Variants in GAS7 observed in about 807,000 individuals in gnomAD.
The protein encoded by GAS7 is growth arrest-specific protein 7.
Under a neutral mutation model 71.1 loss-of-function variants are expected in GAS7, and 28 were observed. The ratio of observed to expected loss-of-function variants is 0.39; its 90% CI spans 0.29 to 0.54. GAS7 has a LOEUF of 0.54. Ranked by LOEUF, GAS7 falls within the 20% of genes least tolerant of loss-of-function variation. The pLI is 0.62. For missense variants in GAS7, 436 were observed against 627.8 expected, an observed-to-expected ratio of 0.69 and a Z score of 3.27; for synonymous variants, 258 against 245.8, an observed-to-expected ratio of 1.05 and a Z score of -0.46.
chr17:10,039,117 T>C (rs972950490), intron 1 of GAS7, among the ~76,000 whole-genome samples: 4 of 151,798 alleles, frequency 2.6e-5, no homozygotes, highest in Non-Finnish European at 5.9e-5. Flanking sequence ...TGGAGATTAA[T>C]GGTGGTGATG....
chr17:9,919,883 G>A lies in GAS7; in HGVS notation c.1139-178C>T, dbSNP rs1301504897. ...AAAGCAGAGCCAGGGAAGGAAGGGGGCAACCCAGCCCCATGAGAACCCAGC... is the reference window on the plus strand; with the variant it reads ...AAAGCAGAGCCAGGGAAGGAAGGGGACAACCCAGCCCCATGAGAACCCAGC... On this transcript the variant is annotated intron_variant, in intron 11 of 13. Transcript: ENST00000432992. This position sits in a 1 kb window ranked among gnomAD's most constrained non-coding sequence, Gnocchi z 5.0. Among the ~76,000 whole-genome samples, 6 of 152,238 alleles carry A rather than the reference G, an allele frequency of 3.9e-5. No individual in the cohort carries two copies. The East Asian group carries it at 1.2e-3, about 29-fold the overall frequency.
At position 10,184,923 on chromosome 17, in the gene GAS7, C is replaced by G. The variant is rs567012478; in HGVS notation, c.183+13285G>C. On this transcript the variant is annotated intron_variant, in intron 1 of 13. Coordinates refer to ENST00000432992, the MANE Select transcript of GAS7 (RefSeq NM_201433.2). ...GGCTGGAGACCAAGCTCTATAAAAA[C>G]TCTTTTTTTTTTTTTTTTTGAGACG... 2.8e-5 allele frequency among the ~76,000 whole-genome samples: 3 copies of G among 107,752 alleles called. No homozygotes were observed. In the Admixed American group the frequency reaches 3.5e-4, roughly 12 times the overall value. The allele number at this position is 107,752 out of a possible 152,430, so 70.7% of individuals were successfully genotyped here.
chr17:10,094,273 T>G (rs187036940), intron 1 of GAS7, among the ~76,000 whole-genome samples: 88 of 152,182 alleles, frequency 5.8e-4, no homozygotes, highest in African/African-American at 2.0e-3. Flanking sequence ...ACACCTGGTA[T>G]CTCCCTGAAT....
chr17:10,050,410 T>C (rs1183264671), intron 1 of GAS7, among the ~76,000 whole-genome samples: 4 of 152,134 alleles, frequency 2.6e-5, no homozygotes, highest in Non-Finnish European at 5.9e-5. Flanking sequence ...ATTTTACAGA[T>C]GGACAAACTG....
At chr17:10,126,512 C>G (rs886478102) in intron 1 of GAS7, among the ~76,000 whole-genome samples, 7 of 137,808 alleles carry the variant, frequency 5.1e-5, no homozygotes, top group Non-Finnish European at 3.1e-5. Context: ...AAACACGTAT[C>G]ACACACGCAC....
intron 1 of GAS7, among the ~76,000 whole-genome samples, chr17:10,124,133 G>A (rs1475593240): frequency 2.0e-5 from 3 of 152,214 alleles, no homozygotes; most frequent in African/African-American, 4.8e-5. Context: ...GGGAAACAGA[G>A]CCGCCACTGT....
At chr17:10,047,144 G>A (rs2072987964) in intron 1 of GAS7, among the ~76,000 whole-genome samples, 1 of 152,192 alleles carries the variant, frequency 6.6e-6, no homozygotes, top group African/African-American at 2.4e-5. Flanking sequence ...AGAGCAGGAA[G>A]TGCAGGGTAG....
chr17:10,088,840 C>A (rs2073550313), intron 1 of GAS7, among the ~76,000 whole-genome samples: 1 of 151,998 alleles, frequency 6.6e-6, no homozygotes, highest in African/African-American at 2.4e-5. Flanking sequence ...ACCATAGCTT[C>A]TCTGAGACAA....
intron 1 of GAS7, among the ~76,000 whole-genome samples, chr17:10,154,234 C>T (rs1336544943): frequency 2.0e-5 from 3 of 151,996 alleles, no homozygotes; most frequent in Non-Finnish European, 4.4e-5. Context: ...TCTGATGGCT[C>T]ATGCCTGTAA....
chr17:10,097,395 G>A (rs899277002), intron 1 of GAS7, among the ~76,000 whole-genome samples: 8 of 152,210 alleles, frequency 5.3e-5, no homozygotes, highest in Non-Finnish European at 8.8e-5. Flanking sequence ...CAGTCTCTCG[G>A]GGCTCTGCCA....
intron 1 of GAS7, among the ~76,000 whole-genome samples, chr17:10,158,336 T>TA (rs58514810): frequency 0.28 from 22,921 of 82,760 alleles, 2,573 homozygotes; most frequent in Middle Eastern, 0.32. Flanking sequence ...CTTTTTTTGG[T>TA]AAAAAAAAAA....
At chr17:10,109,983 G>C (rs2073795076) in intron 1 of GAS7, among the ~76,000 whole-genome samples, 1 of 151,748 alleles carries the variant, frequency 6.6e-6, no homozygotes, top group Admixed American at 6.6e-5. Flanking sequence ...GAACCCGGGA[G>C]GTGGAGGTTG....
chr17:10,022,911 G>A (rs1255585933), intron 1 of GAS7, among the ~76,000 whole-genome samples: 1 of 152,224 alleles, frequency 6.6e-6, no homozygotes, highest in Non-Finnish European at 1.5e-5. Flanking sequence ...TCTGGTGAGA[G>A]GGCTGGGCAG....
At chr17:10,168,315 G>A (rs544356438) in intron 1 of GAS7, among the ~76,000 whole-genome samples, 1 of 152,084 alleles carries the variant, frequency 6.6e-6, no homozygotes, top group Non-Finnish European at 1.5e-5. Context: ...TAATAGCTTG[G>A]TTTTCTTTAT....
At chr17:9,920,318 A>C (rs1165361692) in intron 11 of GAS7, among the ~76,000 whole-genome samples, 1 of 152,132 alleles carries the variant, frequency 6.6e-6, no homozygotes, top group East Asian at 1.9e-4. Context: ...CTACCTTGGG[A>C]AACAGAGAAA....
At chr17:9,997,294 T>G (rs2071088336) in intron 2 of GAS7, among the ~76,000 whole-genome samples, 1 of 151,708 alleles carries the variant, frequency 6.6e-6, no homozygotes, top group African/African-American at 2.4e-5. Flanking sequence ...TAGAAGAAAA[T>G]ATTACCATCT....
At chr17:10,031,749 T>C (rs77575997) in intron 1 of GAS7, among the ~76,000 whole-genome samples, 18,234 of 152,264 alleles carry the variant, frequency 0.12, 1,313 homozygotes, top group Non-Finnish European at 0.16. Flanking sequence ...TGTGAGCATG[T>C]TTCTTGCATC....
Position 9,926,986 on chromosome 17 carries a change from A to G in GAS7, c.886-217T>C. On this transcript the variant is annotated intron_variant, in intron 9 of 13. Transcript: ENST00000432992. This position sits in a 1 kb window ranked among gnomAD's most constrained non-coding sequence, Gnocchi z 5.0. ...ACCTTAGCTCAGGAGGCCCCCACAC[A>G]CGTCTACAGGATAAGTGGTTAGCAA... 5.5e-6 allele frequency: 3 copies of G among 550,072 alleles called. No individual in the cohort carries two copies. Among genetic ancestry groups the G allele is most frequent in the Non-Finnish European group, 9.8e-6 (3 of 305,892 alleles). The allele number at this position is 550,072 out of a possible 1,614,324, so 34.1% of individuals were successfully genotyped here.
intron 1 of GAS7, among the ~76,000 whole-genome samples, chr17:10,024,133 GAAAAAATA>G (rs1175139793): frequency 6.6e-6 from 1 of 151,670 alleles, no homozygotes; most frequent in African/African-American, 2.4e-5. Context: ...CAAAAATAAA[GAAAAAATA>G]AAAAAATAAA....
Sources: allele counts gnomAD v4.1 joint callset (sites outside exome capture counted in the v4.1 genomes callset), GRCh38; gene constraint gnomAD v4.1.1; non-coding constraint Gnocchi (gnomAD v3.1); transcripts MANE v1.5; gene names NCBI Gene and HGNC (gene_info 2026-07-23, HGNC 2026-07-21).